The following RPL3 variants were observed in gnomAD, a reference collection of about 807,000 sequenced individuals.
RPL3 encodes the protein large ribosomal subunit protein uL3.
In RPL3, 3 loss-of-function variants were observed where a neutral mutation model predicts 46.0. The ratio of observed to expected loss-of-function variants is 0.07; its 90% CI spans 0.03 to 0.17. RPL3 has a LOEUF of 0.17. Among genes scored for constraint, RPL3 ranks in the 10% least tolerant of loss-of-function variants. RPL3 has a pLI of 1.00. For synonymous variants in RPL3, 224 were observed against 190.8 expected, an observed-to-expected ratio of 1.17 and a Z score of -1.43; for missense variants, 387 against 532.7, an observed-to-expected ratio of 0.73 and a Z score of 2.69.
chr22:39,319,220 C>G, intron 1 of RPL3: 1 of 520,252 alleles, frequency 1.9e-6, no homozygotes, highest in Non-Finnish European at 3.7e-6. Context: ...CCAATGAGAA[C>G]GGCGCCGAGA....
intron 9 of RPL3, 76 bp from the exon 10 acceptor site, chr22:39,313,060 ACTCTGGGCCAGT>A: frequency 6.2e-7 from 1 of 1,608,342 alleles, no homozygotes; most frequent in Non-Finnish European, 8.5e-7. Flanking sequence ...GGAGACCAAG[ACTCTGGGCCAGT>A]CTCCACAGCC....
At position 39,317,242 on chromosome 22, in the gene RPL3, C is replaced by T. The variant is rs1056587397; in HGVS notation, c.365+219G>A. 8.3e-6 allele frequency: 5 copies of T among 604,884 alleles called. No individual in the cohort carries two copies. The African/African-American group carries it at 9.2e-5, about 11-fold the overall frequency. The allele number at this position is 604,884 out of a possible 1,614,324, so 37.5% of individuals were successfully genotyped here. ...CCTCAACCAACTGGGTCCTCAGCCA[C>T]CACCCACTAGCCTGGACTCAGAATG... On this transcript the variant is annotated intron_variant, in intron 3 of 9. Transcript: ENST00000216146.
rs73165270 is a variant in RPL3, at chr22:39,314,385, G to A, written c.850-177C>T. 3.7e-3 allele frequency: 2,380 copies of A among 650,784 alleles called. 6 individuals carry two copies. Among genetic ancestry groups the A allele is most frequent in the Non-Finnish European group, 5.2e-3 (1,951 of 377,802 alleles). The allele number at this position is 650,784 out of a possible 1,614,324, so 40.3% of individuals were successfully genotyped here. A position where few individuals can be genotyped will look rare whatever the true frequency, so the allele number is the denominator to read the frequency against. On this transcript the variant is annotated intron_variant, in intron 6 of 9. Coordinates refer to ENST00000216146, the MANE Select transcript of RPL3 (RefSeq NM_000967.4). ...CCTCCAGGTTCCTTTCTGTAAGGCG[G>A]CTGGGCTAAAACTAAAGATCCTGCT...
At chr22:39,319,528 C>G (rs1352183579) in intron 1 of RPL3, 67 bp downstream of exon 1, 1 of 1,550,528 alleles carries the variant, frequency 6.4e-7, no homozygotes, top group Middle Eastern at 1.7e-4. Flanking sequence ...GGGATGGCGG[C>G]GATGCGTCGC....
At chr22:39,318,614 G>C in intron 1 of RPL3, 22 bp from the exon 2 acceptor site, 1 of 1,584,410 alleles carries the variant, frequency 6.3e-7, no homozygotes, top group Non-Finnish European at 8.6e-7. Flanking sequence ...AAAAATCACC[G>C]TCAGCACCCA....
In RPL3 at chr22:39,315,493, G is replaced by A. The variant is rs763990083; in HGVS notation, c.564C>T (p.Gly188=). ...CCCAGTCCAGCTTCTCGGCCACAGT[G>A]CCTCCGTTCACCTGGATCTCCATCA... ...AHLMEIQVNG[G]TVAEKLDWAR... Residue 188 remains glycine (G), a synonymous_variant, in exon 5 of 10, where the codon GGC becomes GGT. Transcript: ENST00000216146. 2.0e-5 allele frequency: 33 copies of A among 1,614,038 alleles called. No individual in the cohort carries two copies. The East Asian group carries it at 2.7e-4, about 13-fold the overall frequency.
rs114043432 is a variant in RPL3, at chr22:39,313,746, G to A, written c.952-17C>T. 1,795 of 1,611,934 alleles carry A rather than the reference G, an allele frequency of 1.1e-3. 8 individuals are homozygous for A. In the African/African-American group the frequency reaches 0.013, roughly 11 times the overall value. ...AAAGCCACCCTGGAAAACGAGCATC[G>A]GATCAGCACAGGCCCAGGAGGGGAT... On this transcript the variant is annotated splice_polypyrimidine_tract_variant and intron_variant, in intron 7 of 9. Transcript: ENST00000216146.
Position 39,315,440 on chromosome 22 carries a change from G to A in RPL3, c.617C>T (p.Pro206Leu). 2 of 1,613,998 alleles carry A rather than the reference G, an allele frequency of 1.2e-6. No homozygotes were observed. Among genetic ancestry groups the A allele is most frequent in the Non-Finnish European group, 8.5e-7 (1 of 1,180,050 alleles). The change falls in exon 5 of 10, where the codon CCT (proline) becomes CTT (leucine). Residue 206 changes from proline to leucine, a missense_variant. Transcript: ENST00000216146. Reference sequence around the variant, plus strand: ...ATCCTGCCCAAACACTTGGTTCACAGGTACCTGCTGCTCAAGCCTCTCGCG... The same window carrying A: ...ATCCTGCCCAAACACTTGGTTCACAAGTACCTGCTGCTCAAGCCTCTCGCG... ...WARERLEQQVPVNQVFGQDEM... is the reference protein window; with the variant it reads ...WARERLEQQVLVNQVFGQDEM...
chr22:39,317,740 C>T (rs1922795651), intron 2 of RPL3, 111 bp from the exon 3 acceptor site: 3 of 1,202,674 alleles, frequency 2.5e-6, no homozygotes, highest in South Asian at 1.4e-5. Flanking sequence ...CTGGGCCCCA[C>T]ACCTGCAGTA....
chr22:39,316,591 C>T lies in RPL3; in HGVS notation c.501+115G>A, dbSNP rs1189549466. ...CTAAGGGCCAGTAAGGACACAGTGCCCTCTGCTGGCAAGGGAGAAGCCTAC... is the reference window on the plus strand; with the variant it reads ...CTAAGGGCCAGTAAGGACACAGTGCTCTCTGCTGGCAAGGGAGAAGCCTAC... On this transcript the variant is annotated intron_variant, in intron 4 of 9. Transcript: ENST00000216146. 5 of 1,350,812 alleles carry T rather than the reference C, an allele frequency of 3.7e-6. No homozygotes were observed. The African/African-American group carries it at 5.8e-5, about 16-fold the overall frequency. The allele number at this position is 1,350,812 out of a possible 1,614,324, so 83.7% of individuals were successfully genotyped here. A position where few individuals can be genotyped will look rare whatever the true frequency, so the allele number is the denominator to read the frequency against.
chr22:39,318,298 TAAA>T (rs200859496), intron 2 of RPL3, 99 bp downstream of exon 2: 42 of 1,132,620 alleles, frequency 3.7e-5, no homozygotes, highest in Non-Finnish European at 5.1e-5. Context: ...AACTCCTGCT[TAAA>T]AAAAAAAGTC....
intron 6 of RPL3, 140 bp downstream of exon 6, chr22:39,314,546 C>A: frequency 9.5e-7 from 1 of 1,047,820 alleles, no homozygotes; most frequent in Non-Finnish European, 1.4e-6. Flanking sequence ...TGGGCCAGAA[C>A]TGACCATGAG....
chr22:39,316,851 C>G lies in RPL3; in HGVS notation c.366-10G>C. The G allele has an allele frequency of 6.2e-7, 1 of 1,613,654 alleles. No individual in the cohort carries two copies. ...CTTCTTAGATTTATGCCTTCAGGAG[C>G]AGAGCAGAGTTGGGGAGGGGACCAG... On this transcript the variant is annotated splice_polypyrimidine_tract_variant and intron_variant, in intron 3 of 9. Coordinates refer to ENST00000216146, the MANE Select transcript of RPL3 (RefSeq NM_000967.4).
At chr22:39,318,673 A>C in intron 1 of RPL3, 81 bp from the exon 2 acceptor site, 5 of 1,196,260 alleles carry the variant, frequency 4.2e-6, no homozygotes, top group Non-Finnish European at 4.6e-6. Flanking sequence ...TAAGTTCCAA[A>C]TCTCAGCAAT....
intron 6 of RPL3, 177 bp downstream of exon 6, chr22:39,314,509 A>C (rs1014361648): frequency 1.3e-6 from 1 of 795,824 alleles, no homozygotes; most frequent in Admixed American, 2.8e-5. Flanking sequence ...GCCACTCTAC[A>C]GGATGGCACC....
chr22:39,317,877 C>CT (rs1922803218), intron 2 of RPL3: 3 of 505,812 alleles, frequency 5.9e-6, no homozygotes, highest in African/African-American at 5.7e-5. Context: ...CTACAGAAAC[C>CT]TCTGGAGGCA....
chr22:39,313,456 A>T (rs1488749001), intron 8 of RPL3, 146 bp from the exon 9 acceptor site: 2 of 1,391,972 alleles, frequency 1.4e-6, no homozygotes, highest in Non-Finnish European at 2.0e-6. Context: ...TCAAAGCAGC[A>T]AACAGCCCAG....
intron 6 of RPL3, 187 bp downstream of exon 6, chr22:39,314,499 G>A (rs945799704): frequency 2.3e-5 from 16 of 709,020 alleles, no homozygotes; most frequent in African/African-American, 1.1e-4. Context: ...CCCCACCACA[G>A]CCACTCTACA....
intron 4 of RPL3, 80 bp from the exon 5 acceptor site, chr22:39,315,635 G>A (rs1569160537): frequency 5.9e-6 from 9 of 1,535,036 alleles, no homozygotes; most frequent in Non-Finnish European, 8.0e-6. Context: ...CATGCGGCCT[G>A]ATTGATGTCA....
Sources: allele counts gnomAD v4.1 joint callset, GRCh38; gene constraint gnomAD v4.1.1; transcripts MANE v1.5; gene names NCBI Gene and HGNC (gene_info 2026-07-23, HGNC 2026-07-21).